The following APBB2 variants were observed in gnomAD, a reference collection of about 807,000 sequenced individuals.
APBB2 encodes the protein amyloid beta precursor protein binding family B member 2.
APBB2 carries 38 observed loss-of-function variants against 82.5 expected under a neutral mutation model. The observed-to-expected ratio is 0.46, with a 90% confidence interval of 0.36 to 0.60. APBB2 has a LOEUF of 0.60. Ranked by LOEUF, APBB2 falls within the 20% of genes least tolerant of loss-of-function variation. The probability of loss-of-function intolerance (pLI) is 0.00; values close to 1 mark genes in which losing one functional copy is unlikely to be tolerated. For missense variants in APBB2, 772 were observed against 972.3 expected, an observed-to-expected ratio of 0.79 and a Z score of 2.74; for synonymous variants, 341 against 368.2, an observed-to-expected ratio of 0.93 and a Z score of 0.85.
At chr4:41,142,670 T>C (rs567609747) in intron 2 of APBB2, among the ~76,000 whole-genome samples, 28 of 152,300 alleles carry the variant, frequency 1.8e-4, no homozygotes, top group East Asian at 5.8e-4. Context: ...ACCATTGAAG[T>C]TGGCATAGGT....
intron 1 of APBB2, among the ~76,000 whole-genome samples, chr4:41,150,404 C>G (rs1038769706): frequency 2.0e-5 from 3 of 152,174 alleles, no homozygotes; most frequent in Non-Finnish European, 4.4e-5. Flanking sequence ...CAAAACTAGA[C>G]TACCTAGAAA....
At chr4:41,016,060 G>C (rs1181013086) in intron 5 of APBB2, among the ~76,000 whole-genome samples, 2 of 152,176 alleles carry the variant, frequency 1.3e-5, no homozygotes, top group Non-Finnish European at 2.9e-5. Context: ...AAACCTACAT[G>C]AAGTTTTCCC....
At chr4:41,072,694 G>A (rs1293832074) in intron 3 of APBB2, among the ~76,000 whole-genome samples, 1 of 152,158 alleles carries the variant, frequency 6.6e-6, no homozygotes, top group African/African-American at 2.4e-5. Flanking sequence ...TAAAAAACCT[G>A]CCCGGAGCGT....
chr4:40,850,757 C>T (rs1759069221), intron 12 of APBB2, among the ~76,000 whole-genome samples: 1 of 152,126 alleles, frequency 6.6e-6, no homozygotes, highest in African/African-American at 2.4e-5. Flanking sequence ...GCATGGACAA[C>T]ACAGTGAGAC....
rs1578436418 is a variant in APBB2 at position 40,920,236 on chromosome 4, C to A, written c.1254+14220G>T. Among the ~76,000 whole-genome samples, 3 of 152,096 alleles carry A rather than the reference C, an allele frequency of 2.0e-5. No individual in the cohort carries two copies. The East Asian group carries it at 5.8e-4, about 29-fold the overall frequency. On this transcript the variant is annotated intron_variant, in intron 10 of 17. Transcript: ENST00000508593. The stretch of plus-strand genomic sequence containing the variant: ...TCTGATGGTTTTATAAAGGAAGTTC[C>A]CCTGCACACCCTCTCTCTTTCCTGC...
chr4:40,966,726 C>A (rs569933247), intron 6 of APBB2, among the ~76,000 whole-genome samples: 1 of 152,204 alleles, frequency 6.6e-6, no homozygotes, highest in Admixed American at 6.5e-5. Flanking sequence ...AAACTTTGGG[C>A]ACCAACAAGC....
chr4:41,034,351 G>C (rs916679749), intron 4 of APBB2, among the ~76,000 whole-genome samples: 4 of 152,130 alleles, frequency 2.6e-5, no homozygotes, highest in Admixed American at 6.5e-5. Flanking sequence ...TTGCAACGGA[G>C]TCTGGCTCTG....
intron 12 of APBB2, chr4:40,842,500 A>C (rs1433735687): frequency 1.7e-5 from 6 of 362,376 alleles, no homozygotes; most frequent in Non-Finnish European, 2.9e-5. Flanking sequence ...TAATTTCCCA[A>C]CTCTGCAGCA....
chr4:40,839,635 A>G (rs934763683), intron 12 of APBB2, among the ~76,000 whole-genome samples: 1 of 151,966 alleles, frequency 6.6e-6, no homozygotes, highest in African/African-American at 2.4e-5. Context: ...ACTTTGAAAT[A>G]CTGTCTCCTT....
chr4:41,166,947 T>A (rs1470619057), intron 1 of APBB2, among the ~76,000 whole-genome samples: 3 of 152,222 alleles, frequency 2.0e-5, no homozygotes, highest in Non-Finnish European at 4.4e-5. Flanking sequence ...ACTCTGCAAG[T>A]GGTGGGTGAC....
chr4:41,003,644 G>T (rs1192846966), intron 6 of APBB2, among the ~76,000 whole-genome samples: 3 of 152,210 alleles, frequency 2.0e-5, no homozygotes, highest in Non-Finnish European at 2.9e-5. Context: ...ACCACCAGAA[G>T]CTTGGAAGAG....
At chr4:40,912,594 G>T (rs1016446633) in intron 10 of APBB2, among the ~76,000 whole-genome samples, 4 of 131,806 alleles carry the variant, frequency 3.0e-5, no homozygotes, top group Admixed American at 3.0e-4. Flanking sequence ...AAAAAAAAAA[G>T]GACAGCTCAG....
chr4:41,193,931 G>A, intron 1 of APBB2: 1 of 152,176 alleles, frequency 6.6e-6, no homozygotes, highest in Non-Finnish European at 1.5e-5. Context: ...GGGTGTGGTA[G>A]GAATATCAGT....
chr4:41,094,667 C>T (rs1461927643), intron 3 of APBB2, among the ~76,000 whole-genome samples: 3 of 152,178 alleles, frequency 2.0e-5, no homozygotes, highest in African/African-American at 4.8e-5. Context: ...CGGGTTCAAG[C>T]GATTCTCCTG....
At chr4:41,179,585 T>C (rs1770781295) in intron 1 of APBB2, among the ~76,000 whole-genome samples, 2 of 152,202 alleles carry the variant, frequency 1.3e-5, no homozygotes, top group Non-Finnish European at 2.9e-5. Flanking sequence ...GCTTCTAGAT[T>C]ACCAGCCCAG....
Position 41,051,407 on chromosome 4 carries a change from C to G in APBB2, c.-51+14169G>C, listed in dbSNP as rs569526604. Among the ~76,000 whole-genome samples, 3 of 152,302 alleles carry G rather than the reference C, an allele frequency of 2.0e-5. No individual in the cohort carries two copies. In the South Asian group the frequency reaches 6.2e-4, roughly 32 times the overall value. On this transcript the variant is annotated intron_variant, in intron 4 of 17. Transcript: ENST00000508593. ...TTCCCCAGAGTCCCAGGTTAAGAAC[C>G]ACTGCACTAGTTGGTCACAAAGTAG...
At chr4:40,981,856 T>C (rs1253566102) in intron 6 of APBB2, among the ~76,000 whole-genome samples, 3 of 152,062 alleles carry the variant, frequency 2.0e-5, no homozygotes, top group Admixed American at 6.5e-5. Context: ...CCCAGCACTT[T>C]GAGAGGCCAA....
At chr4:40,907,370 TATATA>T in intron 10 of APBB2, among the ~76,000 whole-genome samples, 1 of 36,808 alleles carries the variant, frequency 2.7e-5, no homozygotes. Flanking sequence ...TATATATATA[TATATA>T]TATATTTTTT....
At chr4:41,158,896 C>T (rs1187182055) in intron 1 of APBB2, among the ~76,000 whole-genome samples, 1 of 152,182 alleles carries the variant, frequency 6.6e-6, no homozygotes, top group Non-Finnish European at 1.5e-5. Context: ...CCTAGCATAG[C>T]CGAGATTCCA....
Sources: gnomAD v4.1 joint callset for allele counts (sites outside exome capture counted in the v4.1 genomes callset) on GRCh38, gnomAD v4.1.1 for gene constraint, MANE v1.5 for transcripts, NCBI Gene and HGNC (gene_info 2026-07-23, HGNC 2026-07-21) for gene names.